The following HHAT variants were observed in gnomAD, a reference collection of about 807,000 sequenced individuals.
The protein encoded by HHAT is hedgehog acyltransferase, also known as protein-cysteine N-palmitoyltransferase HHAT.
A neutral mutation model predicts 70.8 loss-of-function variants in HHAT; 47 were observed. The observed-to-expected ratio is 0.66, with a 90% CI of 0.53 to 0.85. The LOEUF (loss-of-function observed/expected upper bound fraction) is 0.85, where lower values mean the gene tolerates loss of function less well. Ranked by LOEUF, HHAT falls within the 40% of genes least tolerant of loss-of-function variation. HHAT has a pLI of 0.00. For synonymous variants in HHAT, 228 were observed against 247.6 expected (o/e 0.92, Z 0.74); for missense variants, 609 against 604.8 (o/e 1.01, Z -0.07).
chr1:210,437,548 G>T (rs796637652), intron 7 of HHAT, among the ~76,000 whole-genome samples: 10 of 151,966 alleles, frequency 6.6e-5, no homozygotes, highest in African/African-American at 2.4e-4. Flanking sequence ...TTGGTGAGAG[G>T]CTGTCCACAT....
intron 1 of HHAT, chr1:210,329,487 A>G (rs2084798084): frequency 9.8e-7 from 1 of 1,017,162 alleles, no homozygotes. Context: ...CTCTAAAGTT[A>G]GAGACTTCCT....
intron 11 of HHAT, among the ~76,000 whole-genome samples, chr1:210,636,691 A>G (rs1381890858): frequency 3.9e-5 from 6 of 152,198 alleles, no homozygotes; most frequent in Admixed American, 6.5e-5. Context: ...TACAAATAAT[A>G]TACCTACCAT....
intron 8 of HHAT, among the ~76,000 whole-genome samples, chr1:210,508,921 A>G (rs1459946581): frequency 6.6e-6 from 1 of 152,216 alleles, no homozygotes; most frequent in Non-Finnish European, 1.5e-5. Context: ...TAAACTCACA[A>G]ACATTAGAAG....
intron 8 of HHAT, among the ~76,000 whole-genome samples, chr1:210,465,675 A>G (rs999762428): frequency 6.6e-6 from 1 of 152,266 alleles, no homozygotes; most frequent in Non-Finnish European, 1.5e-5. Context: ...AGGTAGGGGA[A>G]GAGCTCAATA....
At chr1:210,389,237 T>A (rs1198463952) in intron 4 of HHAT, among the ~76,000 whole-genome samples, 2 of 152,000 alleles carry the variant, frequency 1.3e-5, no homozygotes, top group Non-Finnish European at 2.9e-5. Context: ...GAAAAGGAAT[T>A]TATACAGTTA....
At chr1:210,370,610 A>ATTTT (rs10664778) in intron 3 of HHAT, among the ~76,000 whole-genome samples, 3,029 of 98,146 alleles carry the variant, frequency 0.031, 81 homozygotes, top group Non-Finnish European at 0.04. Context: ...TGCAGATGCT[A>ATTTT]TTTTTTTTTT....
chr1:210,560,995 G>A (rs1044498663), intron 9 of HHAT, among the ~76,000 whole-genome samples: 1 of 152,094 alleles, frequency 6.6e-6, no homozygotes, highest in Admixed American at 6.6e-5. Context: ...TATCTATGAG[G>A]TTCTTTGATA....
intron 8 of HHAT, among the ~76,000 whole-genome samples, chr1:210,467,772 A>G (rs1264455877): frequency 6.6e-6 from 1 of 152,218 alleles, no homozygotes; most frequent in Non-Finnish European, 1.5e-5. Flanking sequence ...AGAACTGCTG[A>G]TAGAGGAATA....
chr1:210,353,183 C>CTG, intron 2 of HHAT, among the ~76,000 whole-genome samples: 1 of 151,984 alleles, frequency 6.6e-6, no homozygotes, highest in African/African-American at 2.4e-5. Flanking sequence ...TAATCCACTC[C>CTG]CCTCAGCCTC....
intron 10 of HHAT, among the ~76,000 whole-genome samples, chr1:210,594,409 C>A (rs766512475): frequency 3.9e-5 from 6 of 152,124 alleles, no homozygotes; most frequent in Non-Finnish European, 7.4e-5. Flanking sequence ...ATTGCATAAA[C>A]AAATTAATAA....
intron 1 of HHAT, among the ~76,000 whole-genome samples, chr1:210,342,768 A>T (rs550926227): frequency 2.6e-5 from 4 of 152,294 alleles, no homozygotes; most frequent in African/African-American, 9.6e-5. Context: ...GAAACTTGGT[A>T]ATTTTGTGAG....
intron 9 of HHAT, among the ~76,000 whole-genome samples, chr1:210,520,042 G>A (rs1342017773): frequency 7.5e-6 from 1 of 133,018 alleles, no homozygotes; most frequent in East Asian, 2.1e-4. Flanking sequence ...TTGAGACGGA[G>A]TCTCACTCTA....
chr1:210,454,469 G>A (rs1030878616), intron 7 of HHAT, among the ~76,000 whole-genome samples: 1 of 152,124 alleles, frequency 6.6e-6, no homozygotes, highest in Admixed American at 6.6e-5. Context: ...CAGGAGAATG[G>A]CATGAACCTG....
At chr1:210,352,834 C>T (rs746875849) in intron 2 of HHAT, among the ~76,000 whole-genome samples, 4 of 152,078 alleles carry the variant, frequency 2.6e-5, no homozygotes, top group Non-Finnish European at 4.4e-5. Flanking sequence ...TGGCTGACCT[C>T]GCCCCTGGTG....
rs571284371 is a variant in HHAT, at chr1:210,469,862, A to T, written c.1007+5207A>T. The stretch of plus-strand genomic sequence containing the variant: ...TTTTTTTTTTAAAGTTCTGGGATAC[A>T]TGTGCTGAATGTGCAGGTTTGTTAT... On this transcript the variant is annotated intron_variant, in intron 8 of 11. Transcript: ENST00000261458. 2.6e-5 allele frequency among the ~76,000 whole-genome samples: 4 copies of T among 152,030 alleles called. No individual in the cohort carries two copies. In the South Asian group the frequency reaches 8.3e-4, roughly 32 times the overall value.
At chr1:210,341,550 T>C (rs2086041126) in intron 1 of HHAT, among the ~76,000 whole-genome samples, 1 of 152,220 alleles carries the variant, frequency 6.6e-6, no homozygotes, top group African/African-American at 2.4e-5. Flanking sequence ...TGCTGGCTTC[T>C]CTGTCCGTGG....
At chr1:210,434,103 T>TA (rs2093320491) in intron 7 of HHAT, among the ~76,000 whole-genome samples, 1 of 151,904 alleles carries the variant, frequency 6.6e-6, no homozygotes, top group Non-Finnish European at 1.5e-5. Context: ...TGTGAAGGTT[T>TA]AAAAAAGAAG....
At chr1:210,612,710 A>C (rs78939462) in intron 10 of HHAT, among the ~76,000 whole-genome samples, 1,655 of 152,232 alleles carry the variant, frequency 0.011, 29 homozygotes, top group African/African-American at 0.034. Context: ...TAATTTTTTG[A>C]GAAACCTATA....
In HHAT at chr1:210,362,890, A is replaced by C; in HGVS notation, c.130A>C (p.Thr44Pro). The C allele has an allele frequency of 6.2e-7, 1 of 1,613,656 alleles. No individual in the cohort carries two copies. Among genetic ancestry groups the C allele is most frequent in the Non-Finnish European group, 8.5e-7 (1 of 1,179,726 alleles). ...GCTGGACCAGGAATTTGAGCTGGAG[A>C]CTGACACTTTATTTGGAGGATTAAA... ...EELDQEFELETDTLFGGLKKD... is the reference protein window; with the variant it reads ...EELDQEFELEPDTLFGGLKKD... Residue 44 changes from threonine to proline, a missense_variant, in exon 3 of 12, where the codon ACT becomes CCT. Thr to Pro is a conservative substitution (Grantham distance 38, BLOSUM62 -1). Coordinates refer to ENST00000261458, the MANE Select transcript of HHAT (RefSeq NM_018194.6).
Sources: gnomAD v4.1 joint callset for allele counts (sites outside exome capture counted in the v4.1 genomes callset) on GRCh38, gnomAD v4.1.1 for gene constraint, MANE v1.5 for transcripts, NCBI Gene and HGNC (gene_info 2026-07-23, HGNC 2026-07-21) for gene names.